Variants in ZMIZ1 observed in about 807,000 individuals in gnomAD.
ZMIZ1 encodes zinc finger MIZ-type containing 1.
A neutral mutation model predicts 113.9 loss-of-function variants in ZMIZ1; 17 were observed. The ratio of observed to expected loss-of-function variants is 0.15; its 90% confidence interval spans 0.10 to 0.22. The LOEUF (loss-of-function observed/expected upper bound fraction) is 0.22. Ranked by LOEUF, ZMIZ1 falls within the 10% of genes least tolerant of loss-of-function variation. The probability of loss-of-function intolerance (pLI) is 1.00; values close to 1 mark genes in which losing one functional copy is unlikely to be tolerated. For missense variants in ZMIZ1, 1,059 were observed against 1,477.8 expected, an observed-to-expected ratio of 0.72 and a Z score of 4.65; for synonymous variants, 607 against 603.1, an observed-to-expected ratio of 1.01 and a Z score of -0.09.
At chr10:79,222,890 A>G (rs868839723) in intron 7 of ZMIZ1, among the ~76,000 whole-genome samples, 35 of 152,260 alleles carry the variant, frequency 2.3e-4, no homozygotes, top group Admixed American at 1.0e-3. Context: ...CAGCCAAGTC[A>G]TTTCTACCTC....
Position 79,292,150 on chromosome 10 carries a change from C to A in ZMIZ1, c.759-8C>A, listed in dbSNP as rs768769045. ...GTACCTAACTCTTCCACCCTTCTCC[C>A]CCTGCAGTTACCCTGGGGGTCCTAA... On this transcript the variant is annotated splice_region_variant and splice_polypyrimidine_tract_variant and intron_variant, in intron 10 of 24. Coordinates refer to ENST00000334512, the MANE Select transcript of ZMIZ1 (RefSeq NM_020338.4). 6.2e-7 allele frequency: 1 copy of A among 1,604,588 alleles called. No individual in the cohort carries two copies. Among genetic ancestry groups the A allele is most frequent in the South Asian group, 1.1e-5 (1 of 90,610 alleles).
intron 7 of ZMIZ1, among the ~76,000 whole-genome samples, chr10:79,223,669 G>A (rs1420221518): frequency 2.0e-5 from 3 of 152,246 alleles, no homozygotes; most frequent in Admixed American, 6.5e-5. Flanking sequence ...AGGAGGAAAC[G>A]GGAAGACACA....
intron 12 of ZMIZ1, chr10:79,294,926 T>G (rs1284446195): frequency 1.1e-5 from 1 of 94,728 alleles, no homozygotes; most frequent in Non-Finnish European, 2.1e-5. Context: ...TATTCTGAGT[T>G]CAGGAGGGGA....
At chr10:79,150,602 C>G (rs1845675360) in intron 3 of ZMIZ1, among the ~76,000 whole-genome samples, 1 of 152,216 alleles carries the variant, frequency 6.6e-6, no homozygotes. Context: ...CTCAGCCACT[C>G]TGGGTCTCAT....
At chr10:79,081,553 T>A (rs182288717) in intron 1 of ZMIZ1, among the ~76,000 whole-genome samples, 17 of 152,302 alleles carry the variant, frequency 1.1e-4, no homozygotes, top group African/African-American at 4.1e-4. Context: ...TGCAGCATGC[T>A]CGCCTGCCAC....
chr10:79,285,656 T>C (rs941078392), intron 8 of ZMIZ1: 14 of 444,218 alleles, frequency 3.2e-5, no homozygotes, highest in African/African-American at 2.8e-4. Flanking sequence ...CCCTGGCACA[T>C]TTTTTTGTTT....
intron 4 of ZMIZ1, among the ~76,000 whole-genome samples, chr10:79,187,761 G>T (rs1187801023): frequency 1.3e-5 from 2 of 152,226 alleles, no homozygotes; most frequent in Non-Finnish European, 2.9e-5. Flanking sequence ...CCCAGGCTGA[G>T]CACAGGCGGT....
chr10:79,149,535 C>G (rs1845625935), intron 3 of ZMIZ1, among the ~76,000 whole-genome samples: 1 of 152,184 alleles, frequency 6.6e-6, no homozygotes, highest in African/African-American at 2.4e-5. Flanking sequence ...CCTTGCAGCC[C>G]CTGGGCCAAG....
At chr10:79,161,652 CATT>C (rs770417585) in intron 3 of ZMIZ1, among the ~76,000 whole-genome samples, 1 of 152,218 alleles carries the variant, frequency 6.6e-6, no homozygotes, top group Non-Finnish European at 1.5e-5. Flanking sequence ...ACTTTTGTAT[CATT>C]TGATTCTTTG....
At chr10:79,211,884 G>A (rs556106600) in intron 6 of ZMIZ1, among the ~76,000 whole-genome samples, 13 of 152,370 alleles carry the variant, frequency 8.5e-5, no homozygotes, top group African/African-American at 3.1e-4. Context: ...GCAGGTCCAG[G>A]AGGGAACCGG....
chr10:79,080,018 G>T (rs946972140), intron 1 of ZMIZ1, among the ~76,000 whole-genome samples: 1 of 152,206 alleles, frequency 6.6e-6, no homozygotes. Flanking sequence ...GGAGTCCTTA[G>T]CTGGGGTTGT....
chr10:79,128,573 G>C (rs1317279462), intron 2 of ZMIZ1, among the ~76,000 whole-genome samples: 1 of 151,748 alleles, frequency 6.6e-6, no homozygotes, highest in Non-Finnish European at 1.5e-5. Flanking sequence ...TGTACATCAT[G>C]GGGCGTTCCT....
At chr10:79,245,527 C>T (rs1016899718) in intron 7 of ZMIZ1, among the ~76,000 whole-genome samples, 1 of 152,000 alleles carries the variant, frequency 6.6e-6, no homozygotes, top group Non-Finnish European at 1.5e-5. Flanking sequence ...GGGACGGGGT[C>T]GGGGGGCAGA....
chr10:79,184,473 T>G lies in ZMIZ1; in HGVS notation c.-49-17111T>G, dbSNP rs703977. Among the ~76,000 whole-genome samples the G allele has an allele frequency of 0.4, 60,555 of 152,064 alleles. 12,666 individuals carry two copies. The highest frequency in any genetic ancestry group is 0.46 in the Non-Finnish European group (31,198 of 67,964). The stretch of plus-strand genomic sequence containing the variant: ...CTGCCCCACCTGGCAGCTGGAGAAC[T>G]AATTAAATGAGATAATGTGTGTGGA... On this transcript the variant is annotated intron_variant, in intron 4 of 24. Coordinates refer to ENST00000334512, the MANE Select transcript of ZMIZ1 (RefSeq NM_020338.4).
At chr10:79,147,711 G>T (rs933932026) in intron 3 of ZMIZ1, among the ~76,000 whole-genome samples, 4 of 152,194 alleles carry the variant, frequency 2.6e-5, no homozygotes, top group Non-Finnish European at 5.9e-5. Context: ...CCAGGAGGAT[G>T]CAACCCCTAC....
At chr10:79,088,824 A>G (rs1842896474) in intron 1 of ZMIZ1, among the ~76,000 whole-genome samples, 1 of 152,124 alleles carries the variant, frequency 6.6e-6, no homozygotes, top group African/African-American at 2.4e-5. Context: ...TTGCTCCCCC[A>G]GGCAAAGCTC....
chr10:79,241,280 G>A (rs1314643631), intron 7 of ZMIZ1, among the ~76,000 whole-genome samples: 1 of 152,210 alleles, frequency 6.6e-6, no homozygotes, highest in African/African-American at 2.4e-5. Context: ...GAGTAGGTCA[G>A]TCATCTGGAG....
chr10:79,140,110 C>T (rs1013989065), intron 3 of ZMIZ1, among the ~76,000 whole-genome samples: 1 of 152,172 alleles, frequency 6.6e-6, no homozygotes, highest in Non-Finnish European at 1.5e-5. Context: ...TCAGTTGGAA[C>T]TCTAGGGCTG....
chr10:79,152,144 T>C (rs1231140681), intron 3 of ZMIZ1, among the ~76,000 whole-genome samples: 1 of 151,544 alleles, frequency 6.6e-6, no homozygotes. Context: ...CATTGAAGAG[T>C]GGATATTAGG....
Sources: allele counts gnomAD v4.1 joint callset (sites outside exome capture counted in the v4.1 genomes callset), GRCh38; gene constraint gnomAD v4.1.1; transcripts MANE v1.5; gene names NCBI Gene and HGNC (gene_info 2026-07-23, HGNC 2026-07-21).